The following TENM1 variants were observed in gnomAD, a reference collection of about 807,000 sequenced individuals.
TENM1 encodes teneurin-1.
A neutral mutation model predicts 174.8 loss-of-function variants in TENM1; 35 were observed. The observed-to-expected ratio is 0.20, with a 90% CI of 0.15 to 0.27. TENM1 has a LOEUF of 0.27. Among genes scored for constraint, TENM1 ranks in the 10% least tolerant of loss-of-function variants. The pLI, the probability that TENM1 is intolerant of heterozygous loss-of-function variation, is 1.00. For missense variants in TENM1, 1,633 were observed against 2,130.1 expected, an observed-to-expected ratio of 0.77 and a Z score of 4.59; for synonymous variants, 781 against 798.7, an observed-to-expected ratio of 0.98 and a Z score of 0.37.
chrX:124,849,898 C>T (rs763670420), intron 3 of TENM1, among the ~76,000 whole-genome samples: 1 of 111,994 alleles, frequency 8.9e-6, no homozygotes, highest in South Asian at 3.7e-4. Context: ...TACTAAACTA[C>T]CACCAAATGC....
intron 27 of TENM1, among the ~76,000 whole-genome samples, chrX:124,399,239 TG>T (rs2060372300): frequency 8.9e-6 from 1 of 111,923 alleles, no homozygotes; most frequent in Non-Finnish European, 1.9e-5. Flanking sequence ...AAAATGGGAA[TG>T]ATAATGATAA....
chrX:124,388,653 G>C (rs950776124), intron 28 of TENM1, among the ~76,000 whole-genome samples: 5 of 112,466 alleles, frequency 4.4e-5, no homozygotes, highest in African/African-American at 6.5e-5. Flanking sequence ...TTCTAAAAGA[G>C]ATAATTGTAA....
At chrX:125,196,811 C>T in the TENM1 span, among the ~76,000 whole-genome samples, 5 of 111,511 alleles carry the variant, frequency 4.5e-5, no homozygotes, top group South Asian at 1.5e-3. Context: ...CTGAATTAAT[C>T]ATCTCTTAGG....
the TENM1 span, among the ~76,000 whole-genome samples, chrX:125,003,367 C>A: frequency 8.9e-6 from 1 of 111,835 alleles, no homozygotes; most frequent in South Asian, 3.7e-4. Flanking sequence ...ATACATAATG[C>A]CAACTATTCA....
intron 11 of TENM1, among the ~76,000 whole-genome samples, chrX:124,600,971 G>C (rs1025799652): frequency 4.5e-5 from 5 of 111,897 alleles, no homozygotes; most frequent in African/African-American, 1.6e-4. Context: ...TTCTATAGCT[G>C]TATTGTGGTT....
At chrX:124,780,362 C>T (rs1478452790) in intron 3 of TENM1, among the ~76,000 whole-genome samples, 1 of 112,047 alleles carries the variant, frequency 8.9e-6, no homozygotes, top group Non-Finnish European at 1.9e-5. Flanking sequence ...GAAATTCATA[C>T]CATTGGTGAT....
intron 1 of TENM1, among the ~76,000 whole-genome samples, chrX:124,923,398 G>A (rs1045301508): frequency 3.6e-5 from 4 of 111,714 alleles, no homozygotes; most frequent in African/African-American, 1.3e-4. Flanking sequence ...TAGCTAAAAT[G>A]CGTAAATCTG....
chrX:124,945,022 T>G (rs1289709193), intron 1 of TENM1, among the ~76,000 whole-genome samples: 3 of 110,883 alleles, frequency 2.7e-5, no homozygotes, highest in Admixed American at 9.7e-5. Flanking sequence ...TATGGTCACC[T>G]AAATGATAAG....
At chrX:124,987,058 C>A in the TENM1 span, among the ~76,000 whole-genome samples, 3 of 111,844 alleles carry the variant, frequency 2.7e-5, no homozygotes, top group East Asian at 8.4e-4. Flanking sequence ...GTTCCTTATA[C>A]ATCCATGGTC....
chrX:124,491,303 C>T (rs1401513544), intron 20 of TENM1, among the ~76,000 whole-genome samples: 1 of 111,397 alleles, frequency 9.0e-6, no homozygotes, highest in Non-Finnish European at 1.9e-5. Context: ...GGACCTGATA[C>T]CCTCATGGAT....
At chrX:124,845,994 G>T (rs2056599204) in intron 3 of TENM1, among the ~76,000 whole-genome samples, 1 of 110,461 alleles carries the variant, frequency 9.1e-6, no homozygotes, top group Non-Finnish European at 1.9e-5. Context: ...GATCCAGAGG[G>T]GAGGCTACTA....
chrX:124,608,242 C>A (rs1234787913), intron 11 of TENM1, among the ~76,000 whole-genome samples: 1 of 111,314 alleles, frequency 9.0e-6, no homozygotes, highest in Admixed American at 9.6e-5. Context: ...TGGGAATAAG[C>A]TGCAGTCTTC....
chrX:124,711,588 T>C (rs1310878046), intron 4 of TENM1, among the ~76,000 whole-genome samples: 2 of 111,897 alleles, frequency 1.8e-5, no homozygotes, highest in African/African-American at 3.2e-5. Flanking sequence ...GAAGCTGAGG[T>C]TGGGTTTTTA....
chrX:124,963,943 G>A (rs57545535), upstream of TENM1: 13,917 of 425,781 alleles, frequency 0.033, 1,298 homozygotes, highest in African/African-American at 0.3. Context: ...CAAACTAGAT[G>A]ACATGAAGCT....
chrX:125,020,469 T>C, the TENM1 span, among the ~76,000 whole-genome samples: 2 of 109,906 alleles, frequency 1.8e-5, no homozygotes, highest in Non-Finnish European at 3.8e-5. Flanking sequence ...GGCTCAAACT[T>C]TCCCAAAGTT....
the TENM1 span, among the ~76,000 whole-genome samples, chrX:125,183,843 G>T: frequency 1.8e-4 from 20 of 112,033 alleles, no homozygotes; most frequent in African/African-American, 6.2e-4. Flanking sequence ...AATGGTGTGT[G>T]TATTCCAATT....
intron 3 of TENM1, among the ~76,000 whole-genome samples, chrX:124,854,219 T>C (rs1356401959): frequency 1.8e-5 from 2 of 110,791 alleles, no homozygotes; most frequent in Non-Finnish European, 3.8e-5. Flanking sequence ...TTGGATGGAG[T>C]TGGAGACCAT....
the TENM1 span, among the ~76,000 whole-genome samples, chrX:124,990,344 A>G: frequency 2.7e-5 from 3 of 112,803 alleles, no homozygotes; most frequent in African/African-American, 9.6e-5. Flanking sequence ...CAAATCCTAG[A>G]TAATTAATCT....
At chrX:125,157,410 C>G in the TENM1 span, among the ~76,000 whole-genome samples, 1 of 112,119 alleles carries the variant, frequency 8.9e-6, no homozygotes, top group Non-Finnish European at 1.9e-5. Context: ...GAGTTACTAC[C>G]TAAGTGCTCA....
Sources: allele counts gnomAD v4.1 joint callset (sites outside exome capture counted in the v4.1 genomes callset), GRCh38; gene constraint gnomAD v4.1.1; transcripts MANE v1.5; gene names NCBI Gene and HGNC (gene_info 2026-07-23, HGNC 2026-07-21).